The following SRRM4 variants were observed in gnomAD, a reference collection of about 807,000 sequenced individuals.
SRRM4 encodes serine/arginine repetitive matrix 4.
Under a neutral mutation model 68.9 loss-of-function variants are expected in SRRM4, and 33 were observed. That is an observed-to-expected ratio of 0.48 (90% CI 0.36 to 0.64). The LOEUF is 0.64. Ranked by LOEUF, SRRM4 falls within the 30% of genes least tolerant of loss-of-function variation. The pLI is 0.00. For synonymous variants in SRRM4, 318 were observed against 318.8 expected, an observed-to-expected ratio of 1.00 and a Z score of 0.03; for missense variants, 817 against 827.1, an observed-to-expected ratio of 0.99 and a Z score of 0.15.
At chr12:119,045,581 G>T (rs975294144) in intron 1 of SRRM4, among the ~76,000 whole-genome samples, 1 of 150,996 alleles carries the variant, frequency 6.6e-6, no homozygotes, top group East Asian at 2.0e-4. Context: ...GGTGGTAATC[G>T]GTTGGGAACC....
intron 8 of SRRM4, among the ~76,000 whole-genome samples, chr12:119,136,742 G>A (rs186867814): frequency 6.6e-6 from 1 of 152,188 alleles, no homozygotes; most frequent in Non-Finnish European, 1.5e-5. Context: ...GTCCCGGTGG[G>A]GATTTCTGAG....
At chr12:119,134,342 C>T (rs1954315441) in intron 8 of SRRM4, among the ~76,000 whole-genome samples, 1 of 148,724 alleles carries the variant, frequency 6.7e-6, no homozygotes, top group Non-Finnish European at 1.5e-5. Context: ...ATCTTCACTC[C>T]ACCATCTCTG....
At chr12:118,983,004 G>A (rs890718824) in intron 1 of SRRM4, among the ~76,000 whole-genome samples, 1 of 152,198 alleles carries the variant, frequency 6.6e-6, no homozygotes, top group Non-Finnish European at 1.5e-5. Context: ...GAGTGGTTTA[G>A]TAGGAGAAAA....
chr12:119,025,240 G>A (rs551224659), intron 1 of SRRM4, among the ~76,000 whole-genome samples: 3 of 151,846 alleles, frequency 2.0e-5, no homozygotes, highest in African/African-American at 7.3e-5. Context: ...TTGGGGCAGA[G>A]GATCGGGCAG....
intron 1 of SRRM4, among the ~76,000 whole-genome samples, chr12:119,016,900 T>G (rs1051782758): frequency 1.3e-5 from 2 of 152,216 alleles, no homozygotes; most frequent in Non-Finnish European, 2.9e-5. Context: ...GACCAGTCAC[T>G]TCATGTTTCT....
intron 1 of SRRM4, among the ~76,000 whole-genome samples, chr12:119,053,839 G>A (rs534923922): frequency 2.6e-5 from 4 of 152,202 alleles, no homozygotes; most frequent in Non-Finnish European, 5.9e-5. Flanking sequence ...TCACATCATG[G>A]AGAATGCAGT....
intron 7 of SRRM4, 67 bp from the exon 8 acceptor site, chr12:119,130,611 T>G: frequency 6.7e-7 from 1 of 1,493,498 alleles, no homozygotes; most frequent in Non-Finnish European, 9.1e-7. Flanking sequence ...ATCCTGTTGG[T>G]CCTGCATACA....
chr12:118,982,719 A>G (rs1367617840), intron 1 of SRRM4, among the ~76,000 whole-genome samples: 8 of 134,960 alleles, frequency 5.9e-5, no homozygotes, highest in African/African-American at 2.2e-4. Context: ...GATTGCTTTG[A>G]ACTCAGGGAT....
chr12:119,016,413 G>A (rs1289473305), intron 1 of SRRM4, among the ~76,000 whole-genome samples: 1 of 150,786 alleles, frequency 6.6e-6, no homozygotes, highest in Admixed American at 6.6e-5. Context: ...AGCAAAGTGT[G>A]GTTTTTGCCC....
chr12:119,097,475 C>T (rs774913884), intron 1 of SRRM4, among the ~76,000 whole-genome samples: 3 of 152,344 alleles, frequency 2.0e-5, no homozygotes, highest in East Asian at 1.9e-4. Context: ...AGCTACACGA[C>T]GGTTTCCTTC....
chr12:119,028,484 G>A (rs376034852), intron 1 of SRRM4, among the ~76,000 whole-genome samples: 52 of 152,232 alleles, frequency 3.4e-4, no homozygotes, highest in South Asian at 1.5e-3. Context: ...CTTGTCTGCC[G>A]CCATGTGAGA....
chr12:118,992,755 T>G (rs955250760), intron 1 of SRRM4, among the ~76,000 whole-genome samples: 2 of 152,134 alleles, frequency 1.3e-5, no homozygotes, highest in East Asian at 3.9e-4. Context: ...CCTTCAGAAC[T>G]CAAATATAGC....
At chr12:119,073,325 G>T (rs71452683) in intron 1 of SRRM4, among the ~76,000 whole-genome samples, 67,082 of 109,664 alleles carry the variant, frequency 0.61, 18,881 homozygotes, top group Middle Eastern at 0.71. Context: ...TTTTTTTTTT[G>T]TTTGTTTGTT....
intron 1 of SRRM4, among the ~76,000 whole-genome samples, chr12:119,028,374 A>C (rs572500718): frequency 6.6e-6 from 1 of 152,224 alleles, no homozygotes; most frequent in South Asian, 2.1e-4. Flanking sequence ...TAATTGAATC[A>C]TGGGGGCAGG....
intron 1 of SRRM4, among the ~76,000 whole-genome samples, chr12:119,099,862 A>G (rs1954067743): frequency 6.6e-6 from 1 of 152,178 alleles, no homozygotes. Flanking sequence ...CATCAACCCA[A>G]GAGAGGAAGG....
At position 119,048,616 on chromosome 12, in the gene SRRM4, T is replaced by G. The variant is rs1426820080; in HGVS notation, c.132-53620T>G. On this transcript the variant is annotated intron_variant, in intron 1 of 12. Transcript: ENST00000267260. ...TTCTCTGAGCCTTGGTCTCCTTACC[T>G]GTAAAATAAGGATAATAATAATAGC... 2.0e-5 allele frequency among the ~76,000 whole-genome samples: 3 copies of G among 152,142 alleles called. No individual in the cohort carries two copies. In the East Asian group the frequency reaches 5.8e-4, roughly 30 times the overall value.
chr12:119,153,936 T>C (rs1284984393), intron 11 of SRRM4, among the ~76,000 whole-genome samples: 1 of 151,942 alleles, frequency 6.6e-6, no homozygotes, highest in Admixed American at 6.6e-5. Context: ...CCCCAGTTCT[T>C]ACCCACGCAC....
At chr12:119,044,370 C>T (rs917014776) in intron 1 of SRRM4, among the ~76,000 whole-genome samples, 3 of 152,184 alleles carry the variant, frequency 2.0e-5, no homozygotes, top group African/African-American at 7.2e-5. Context: ...CGGGCTTGGG[C>T]AGGTACAGAC....
intron 8 of SRRM4, chr12:119,132,938 T>C (rs1954307096): frequency 6.6e-6 from 1 of 152,200 alleles, no homozygotes; most frequent in Non-Finnish European, 1.5e-5. Context: ...TGAGCTGTAC[T>C]TTCCTCATCT....
Sources: allele counts gnomAD v4.1 joint callset (sites outside exome capture counted in the v4.1 genomes callset), GRCh38; gene constraint gnomAD v4.1.1; transcripts MANE v1.5; gene names NCBI Gene and HGNC (gene_info 2026-07-23, HGNC 2026-07-21).